The following FAM47E variants were observed in gnomAD, a reference collection of about 807,000 sequenced individuals.
FAM47E encodes the protein family with sequence similarity 47 member E, also known as protein FAM47E.
FAM47E carries 32 observed loss-of-function variants against 41.6 expected under a neutral mutation model. The observed-to-expected ratio is 0.77, with a 90% confidence interval of 0.58 to 1.03. FAM47E has a LOEUF of 1.03. FAM47E is among the 50% of genes least tolerant of loss of function. The pLI is 0.00. For missense variants in FAM47E, 424 were observed against 485.4 expected (o/e 0.87, Z 1.19); for synonymous variants, 184 against 188.7 (o/e 0.98, Z 0.20).
At chr4:76,228,667 A>C (rs1455577841) in intron 2 of FAM47E, among the ~76,000 whole-genome samples, 1 of 152,180 alleles carries the variant, frequency 6.6e-6, no homozygotes, top group Non-Finnish European at 1.5e-5. Flanking sequence ...AAGGAGGCTA[A>C]AGATAGTACC....
At chr4:76,257,384 C>T (rs113208407) in intron 2 of FAM47E, among the ~76,000 whole-genome samples, 9 of 152,010 alleles carry the variant, frequency 5.9e-5, no homozygotes, top group African/African-American at 1.7e-4. Flanking sequence ...CAACTCCATC[C>T]GCATCCCTGC....
rs963732908 is a variant in FAM47E, at chr4:76,214,161, C to G, written c.-293C>G. ...TCCCATGGGCCACGCGCTGGGGATTCAAGGTGGCTGGGACATTCCCCTGCT... is the reference window on the plus strand; with the variant it reads ...TCCCATGGGCCACGCGCTGGGGATTGAAGGTGGCTGGGACATTCCCCTGCT... On this transcript the variant is annotated 5_prime_UTR_variant, in exon 1 of 8. Transcript: ENST00000510197. 48 of 450,508 alleles carry G rather than the reference C, an allele frequency of 1.1e-4. 2 individuals carry two copies. Among genetic ancestry groups the G allele is most frequent in the South Asian group, 5.8e-4 (37 of 64,014 alleles). 27.9% of individuals were successfully genotyped at this position (450,508 alleles called of 1,614,324 possible).
chr4:76,259,903 G>A (rs1217138814), intron 2 of FAM47E, among the ~76,000 whole-genome samples: 3 of 152,118 alleles, frequency 2.0e-5, no homozygotes, highest in Non-Finnish European at 2.9e-5. Flanking sequence ...AATCAGTTGT[G>A]TCTCTATACA....
At chr4:76,278,373 A>G (rs907001047) in intron 6 of FAM47E, 149 bp downstream of exon 6, 15 of 807,646 alleles carry the variant, frequency 1.9e-5, no homozygotes, top group African/African-American at 1.2e-4. Flanking sequence ...GGAGAAAGCT[A>G]AGTAATGTTA....
chr4:76,262,613 A>C (rs1734466128), intron 2 of FAM47E, among the ~76,000 whole-genome samples: 1 of 152,200 alleles, frequency 6.6e-6, no homozygotes, highest in Admixed American at 6.5e-5. Context: ...CTTTGTGTGT[A>C]AGCATTGTGG....
At chr4:76,282,136 GA>G (rs1000618167) in intron 7 of FAM47E, 2 of 152,120 alleles carry the variant, frequency 1.3e-5, no homozygotes, top group Non-Finnish European at 2.9e-5. Flanking sequence ...ATTTCTAACA[GA>G]ATCTTAAAAT....
At chr4:76,277,489 CA>C (rs573395947) in intron 5 of FAM47E, among the ~76,000 whole-genome samples, 2 of 112,758 alleles carry the variant, frequency 1.8e-5, no homozygotes, top group Non-Finnish European at 1.9e-5. Flanking sequence ...GACTCCGTCT[CA>C]AAAAAAAAGA....
intron 2 of FAM47E, among the ~76,000 whole-genome samples, chr4:76,257,654 G>A (rs1452077061): frequency 1.3e-5 from 2 of 152,106 alleles, no homozygotes; most frequent in East Asian, 1.9e-4. Flanking sequence ...CTGTTCTGGT[G>A]CCTGAACACT....
Position 76,275,433 on chromosome 4 carries a change from A to G in FAM47E, c.871-2636A>G, listed in dbSNP as rs75019383. ...TTATATATCTTTCTTTGCCGTCTAT[A>G]TTAATTCATCAATTTGTGTATGCAT... On this transcript the variant is annotated intron_variant, in intron 5 of 7. Transcript: ENST00000424749. Among the ~76,000 whole-genome samples, 878 of 152,282 alleles carry G rather than the reference A, an allele frequency of 5.8e-3. 5 individuals are homozygous for G. The highest frequency in any genetic ancestry group is 9.3e-3 in the Non-Finnish European group (633 of 68,012).
At chr4:76,241,805 G>A (rs1733717769) in intron 2 of FAM47E, among the ~76,000 whole-genome samples, 1 of 152,130 alleles carries the variant, frequency 6.6e-6, no homozygotes, top group African/African-American at 2.4e-5. Flanking sequence ...TTTAACTCCA[G>A]TGGTAATAAC....
intron 2 of FAM47E, among the ~76,000 whole-genome samples, chr4:76,219,753 TA>T (rs927258029): frequency 1.9e-4 from 29 of 151,914 alleles, no homozygotes; most frequent in Admixed American, 1.8e-3. Context: ...GGGGCTTAGA[TA>T]TTAGACTATG....
chr4:76,255,513 G>C (rs1033684056), intron 1 of FAM47E, among the ~76,000 whole-genome samples: 3 of 152,104 alleles, frequency 2.0e-5, no homozygotes, highest in Non-Finnish European at 4.4e-5. Context: ...TGCAGCCTTT[G>C]ATCCCCTGAG....
intron 2 of FAM47E, 132 bp from the exon 3 acceptor site, chr4:76,263,572 C>A: frequency 9.3e-7 from 1 of 1,080,008 alleles, no homozygotes. Flanking sequence ...ATACTTGGCA[C>A]AGAAGTTGGT....
At chr4:76,236,511 C>T (rs1027944476) in intron 2 of FAM47E, 4 of 152,138 alleles carry the variant, frequency 2.6e-5, no homozygotes, top group African/African-American at 4.8e-5. Context: ...GCCTATAACC[C>T]AGCCCTCAGG....
intron 2 of FAM47E, among the ~76,000 whole-genome samples, chr4:76,243,824 T>C (rs957257912): frequency 3.3e-5 from 5 of 152,192 alleles, no homozygotes; most frequent in African/African-American, 7.2e-5. Flanking sequence ...ACATGTGCCA[T>C]GGTGGTTTGC....
intron 2 of FAM47E, among the ~76,000 whole-genome samples, chr4:76,220,877 C>T (rs1733294088): frequency 6.6e-6 from 1 of 152,158 alleles, no homozygotes; most frequent in Non-Finnish European, 1.5e-5. Flanking sequence ...CAGGTGCTCA[C>T]CTGGGATCAG....
At position 76,263,778 on chromosome 4, in the gene FAM47E, C is replaced by T. The variant is rs1734515475; in HGVS notation, c.495C>T (p.Thr165=). Reference sequence around the variant, plus strand: ...ACACATGGGCTTATTGTCAGGACACCAGGAAAGGAATGAAGGAACCCACGA... The same window carrying T: ...ACACATGGGCTTATTGTCAGGACACTAGGAAAGGAATGAAGGAACCCACGA... ...LEDTWAYCQD[T]RKGMKEPTKL... is the part of the protein sequence containing the mutation. Residue 165 remains threonine, a synonymous_variant, in exon 3 of 8, where the codon ACC becomes ACT. Coordinates refer to ENST00000424749, the MANE Select transcript of FAM47E (RefSeq NM_001136570.3). 1 of 1,551,438 alleles carries T rather than the reference C, an allele frequency of 6.4e-7. No homozygotes were observed. Among genetic ancestry groups the T allele is most frequent in the Non-Finnish European group, 8.7e-7 (1 of 1,146,874 alleles).
intron 1 of FAM47E, among the ~76,000 whole-genome samples, chr4:76,254,945 G>T (rs924922809): frequency 2.0e-5 from 3 of 152,134 alleles, no homozygotes; most frequent in African/African-American, 7.2e-5. Flanking sequence ...GGCGCTGGTG[G>T]ATAAGGAGGC....
intron 2 of FAM47E, among the ~76,000 whole-genome samples, chr4:76,224,308 C>A (rs574422962): frequency 6.6e-6 from 1 of 152,310 alleles, no homozygotes; most frequent in South Asian, 2.1e-4. Flanking sequence ...TAAAACTTCT[C>A]ATATCTTTAT....
Sources: gnomAD v4.1 joint callset for allele counts (sites outside exome capture counted in the v4.1 genomes callset) on GRCh38, gnomAD v4.1.1 for gene constraint, MANE v1.5 for transcripts, NCBI Gene and HGNC (gene_info 2026-07-23, HGNC 2026-07-21) for gene names.